Variants in KLF5 observed in about 807,000 individuals in gnomAD.
The protein encoded by KLF5 is KLF transcription factor 5.
A neutral mutation model predicts 36.9 loss-of-function variants in KLF5; 9 were observed. The observed-to-expected ratio is 0.24, with a 90% confidence interval of 0.15 to 0.43. KLF5 has a LOEUF of 0.43. KLF5 is among the 20% of genes least tolerant of loss of function. KLF5 has a pLI of 1.00. For missense variants in KLF5, 524 were observed against 599.5 expected, an observed-to-expected ratio of 0.87 and a Z score of 1.31; for synonymous variants, 246 against 241.7, an observed-to-expected ratio of 1.02 and a Z score of -0.17.
At chr13:73,066,761 GAT>G (rs541177863) in intron 3 of KLF5, among the ~76,000 whole-genome samples, 10 of 152,222 alleles carry the variant, frequency 6.6e-5, no homozygotes, top group Non-Finnish European at 1.2e-4. Flanking sequence ...CAGAGTAGAT[GAT>G]ATATCAGTTT....
In KLF5 at chr13:73,059,284, G is replaced by C; in HGVS notation, c.-44G>C. On this transcript the variant is annotated 5_prime_UTR_variant, in exon 1 of 4. Transcript: ENST00000377687. ...ACCCAAGCCAGCGTGGGCGAGGTGG[G>C]AAGTGCGCCCGACCCGCGCCTGGAG... The C allele has an allele frequency of 7.5e-7, 1 of 1,326,892 alleles. No individual in the cohort carries two copies. Among genetic ancestry groups the C allele is most frequent in the Non-Finnish European group, 9.6e-7 (1 of 1,039,132 alleles). 82.2% of individuals were successfully genotyped at this position (1,326,892 alleles called of 1,614,324 possible).
At position 73,076,435 on chromosome 13, in the gene KLF5, T is replaced by C. The variant is rs1306359127; in HGVS notation, c.*549T>C. On this transcript the variant is annotated 3_prime_UTR_variant, in exon 4 of 4. Coordinates refer to ENST00000377687, the MANE Select transcript of KLF5 (RefSeq NM_001730.5). ...TTGCCTATATTTGCTATTCAAAATT[T>C]TGTAAATATGCAAATCAGCTTTATA... 1 of 152,678 alleles carries C rather than the reference T, an allele frequency of 6.5e-6. No individual in the cohort carries two copies. 9.5% of individuals were successfully genotyped at this position (152,678 alleles called of 1,614,324 possible). A position where few individuals can be genotyped will look rare whatever the true frequency, so the allele number is the denominator to read the frequency against.
Position 73,062,493 on chromosome 13 carries a change from T to C in KLF5, c.894T>C (p.Thr298=). 6.2e-7 allele frequency: 1 copy of C among 1,614,148 alleles called. No individual in the cohort carries two copies. Among genetic ancestry groups the C allele is most frequent in the Non-Finnish European group, 8.5e-7 (1 of 1,180,030 alleles). Residue 298 remains threonine (T), a synonymous_variant, in exon 2 of 4, where the codon ACT becomes ACC. Transcript: ENST00000377687. The part of the protein sequence containing the change: ...MPSQFLPQQA[T]YFPPSPPSSE... ...GTCAGTTTCTTCCACAACAGGCCAC[T>C]TACTTTCCCCCGTCACCACCAAGCT...
At position 73,063,655 on chromosome 13, in the gene KLF5, A is replaced by T. The variant is rs531613961; in HGVS notation, c.1136-169A>T. Among the ~76,000 whole-genome samples, 180 of 152,324 alleles carry T rather than the reference A, an allele frequency of 1.2e-3. 1 individual carries two copies. The highest frequency in any genetic ancestry group is 1.6e-4 in the Non-Finnish European group (11 of 68,038). On this transcript the variant is annotated intron_variant, in intron 2 of 3. Transcript: ENST00000377687. ...ATAAAACAAATCACTTCATGCCTTTAATAAGGTAATGGGGGAGGGCTCTTT... is the reference window on the plus strand; with the variant it reads ...ATAAAACAAATCACTTCATGCCTTTTATAAGGTAATGGGGGAGGGCTCTTT...
rs1476070582 is a variant in KLF5, at chr13:73,062,403, T to A, written c.804T>A (p.Ser268=). The A allele has an allele frequency of 1.2e-6, 2 of 1,614,182 alleles. No individual in the cohort carries two copies. The highest frequency in any genetic ancestry group is 1.6e-4 in the Middle Eastern group (1 of 6,062). Residue 268 remains serine, a synonymous_variant, in exon 2 of 4, where the codon TCT becomes TCA. Coordinates refer to ENST00000377687, the MANE Select transcript of KLF5 (RefSeq NM_001730.5). ...AAMAGLNTHT[S]AVPQTAVKQF... The stretch of plus-strand genomic sequence containing the variant: ...TGGCAGGCCTTAACACACACACCTC[T>A]GCTGTTCCGCAGACTGCAGTGAAAC...
rs934697248 is a variant in KLF5 at position 73,059,037 on chromosome 13, T to C, written c.-291T>C. ...GGGCAGGTACGTGCGCTCGCGGTTCTCTCGCGGAGGTCGGCGGTGGCGGGA... is the reference window on the plus strand; with the variant it reads ...GGGCAGGTACGTGCGCTCGCGGTTCCCTCGCGGAGGTCGGCGGTGGCGGGA... On this transcript the variant is annotated 5_prime_UTR_variant, in exon 1 of 4. Coordinates refer to ENST00000377687, the MANE Select transcript of KLF5 (RefSeq NM_001730.5). The C allele has an allele frequency of 4.1e-5, 12 of 290,944 alleles. No homozygotes were observed. Among genetic ancestry groups the C allele is most frequent in the Non-Finnish European group, 4.5e-5 (7 of 156,762 alleles). 18.0% of individuals were successfully genotyped at this position (290,944 alleles called of 1,614,324 possible).
chr13:73,076,293 G>T lies in KLF5; in HGVS notation c.*407G>T. The T allele has an allele frequency of 6.2e-6, 1 of 160,372 alleles. No homozygotes were observed. Among genetic ancestry groups the T allele is most frequent in the Non-Finnish European group, 1.4e-5 (1 of 73,574 alleles). The allele number at this position is 160,372 out of a possible 1,614,324, so 9.9% of individuals were successfully genotyped here. On this transcript the variant is annotated 3_prime_UTR_variant, in exon 4 of 4. Coordinates refer to ENST00000377687, the MANE Select transcript of KLF5 (RefSeq NM_001730.5). ...GGATTGTATGTCAAGATTTTACTTG[G>T]CATTGAGTAGTTTTTTTCAATAGTA...
At position 73,059,553 on chromosome 13, in the gene KLF5, A is replaced by T. The variant is rs1427506386; in HGVS notation, c.226A>T (p.Thr76Ser). The change falls in exon 1 of 4, where the codon ACC becomes TCC. Residue 76 changes from threonine (T) to serine (S), a missense_variant. By Grantham distance (58) the Thr-to-Ser change is moderately conservative. This residue lies in a region of KLF5 where 454 missense variants were observed against 458.1 expected (regional missense o/e 0.99). Coordinates refer to ENST00000377687, the MANE Select transcript of KLF5 (RefSeq NM_001730.5). The stretch of plus-strand genomic sequence containing the variant: ...CCCGCAGCCGGCCCAGCCGCCCGCC[A>T]CCGGCCCGCGGCTGCCTCCAGAGGA... ...QAPQPAQPPA[T>S]GPRLPPEDLV... is the part of the protein sequence containing the mutation. The T allele has an allele frequency of 8.5e-7, 1 of 1,170,238 alleles. No homozygotes were observed. Among genetic ancestry groups the T allele is most frequent in the Non-Finnish European group, 1.0e-6 (1 of 952,450 alleles). 72.5% of individuals were successfully genotyped at this position (1,170,238 alleles called of 1,614,324 possible).
intron 3 of KLF5, among the ~76,000 whole-genome samples, chr13:73,072,730 G>A (rs2044731064): frequency 6.6e-6 from 1 of 152,106 alleles, no homozygotes; most frequent in South Asian, 2.1e-4. Context: ...CATGGCTGCT[G>A]GTGCCTGCTC....
chr13:73,070,265 C>A (rs907885637), intron 3 of KLF5, among the ~76,000 whole-genome samples: 9 of 151,992 alleles, frequency 5.9e-5, no homozygotes, highest in Admixed American at 4.6e-4. Flanking sequence ...TGGTCAGGGT[C>A]ACCATGTGAA....
intron 3 of KLF5, chr13:73,074,949 AAAACT>A (rs1317713006): frequency 6.6e-6 from 1 of 152,234 alleles, no homozygotes; most frequent in African/African-American, 2.4e-5. Flanking sequence ...ATGACAAAGA[AAAACT>A]AAATACAAGT....
rs11335137 is a variant in KLF5, at chr13:73,059,774, TGGG to T, written c.261+195_261+197del. 6 of 381,420 alleles carry T rather than the reference TGGG, an allele frequency of 1.6e-5. No individual in the cohort carries two copies. In the African/African-American group the frequency reaches 1.8e-4, roughly 12 times the overall value. 23.6% of individuals were successfully genotyped at this position (381,420 alleles called of 1,614,324 possible). A position where few individuals can be genotyped will look rare whatever the true frequency, so the allele number is the denominator to read the frequency against. On this transcript the variant is annotated intron_variant, in intron 1 of 3. Transcript: ENST00000377687. The stretch of plus-strand genomic sequence containing the variant: ...GGCCCCGCGTTTCGCTGAGAGTAAA[TGGG>T]GGGGGGGGCCGGGGGTGGGAAGGAT...
intron 3 of KLF5, among the ~76,000 whole-genome samples, chr13:73,072,352 G>C (rs547539466): frequency 6.6e-6 from 1 of 152,280 alleles, no homozygotes; most frequent in East Asian, 1.9e-4. Flanking sequence ...TGATACCTGG[G>C]AATTGGCAAT....
chr13:73,060,917 G>A (rs923816096), intron 1 of KLF5, among the ~76,000 whole-genome samples: 6 of 152,144 alleles, frequency 3.9e-5, no homozygotes, highest in Admixed American at 1.3e-4. Context: ...AAAGTATTTG[G>A]TTATTTCAGT....
chr13:73,059,305 TG>T lies in KLF5; in HGVS notation c.-21del. The T allele has an allele frequency of 1.5e-6, 2 of 1,349,980 alleles. No homozygotes were observed. The highest frequency in any genetic ancestry group is 1.7e-5 in the South Asian group (1 of 58,214). 83.6% of individuals were successfully genotyped at this position (1,349,980 alleles called of 1,614,324 possible). On this transcript the variant is annotated 5_prime_UTR_variant, in exon 1 of 4. Coordinates refer to ENST00000377687, the MANE Select transcript of KLF5 (RefSeq NM_001730.5). ...GTGGGAAGTGCGCCCGACCCGCGCC[TG>T]GAGCTGCGCCCCCGAGTGCCCATGG... is the stretch of plus-strand genomic sequence containing the variant.
chr13:73,057,401 T>C (rs2044589254), upstream of KLF5, among the ~76,000 whole-genome samples: 1 of 152,220 alleles, frequency 6.6e-6, no homozygotes, highest in African/African-American at 2.4e-5. Context: ...TGGGGCTGCT[T>C]GGTTAGAGAA....
At chr13:73,064,346 T>C (rs2139107575) in intron 3 of KLF5, among the ~76,000 whole-genome samples, 1 of 152,282 alleles carries the variant, frequency 6.6e-6, no homozygotes, top group Admixed American at 6.5e-5. Flanking sequence ...ATATCTGTGT[T>C]TAGTATGTTT....
At chr13:73,071,849 A>T (rs192688369) in intron 3 of KLF5, among the ~76,000 whole-genome samples, 15 of 152,320 alleles carry the variant, frequency 9.8e-5, no homozygotes, top group African/African-American at 3.6e-4. Flanking sequence ...GCAGAACAAG[A>T]TACAAGATTT....
At position 73,063,897 on chromosome 13, in the gene KLF5, T is replaced by C; in HGVS notation, c.1195+14T>C. 1.3e-6 allele frequency: 2 copies of C among 1,547,812 alleles called. No individual in the cohort carries two copies. Among genetic ancestry groups the C allele is most frequent in the Non-Finnish European group, 1.8e-6 (2 of 1,120,010 alleles). ...GGACTCACACTGGTATGTAATTTTC[T>C]TGTTAATTCTGTGAGTTGTGTAAAT... On this transcript the variant is annotated intron_variant, in intron 3 of 3. Coordinates refer to ENST00000377687, the MANE Select transcript of KLF5 (RefSeq NM_001730.5).
Sources: allele counts gnomAD v4.1 joint callset (sites outside exome capture counted in the v4.1 genomes callset), GRCh38; gene constraint gnomAD v4.1.1; regional missense constraint gnomAD v4.1.1; transcripts MANE v1.5; gene names NCBI Gene and HGNC (gene_info 2026-07-23, HGNC 2026-07-21).